The following ASB18 variants were observed in gnomAD, a reference collection of about 807,000 sequenced individuals.
ASB18 encodes ankyrin repeat and SOCS box protein 18.
In ASB18, 33 loss-of-function variants were observed where a neutral mutation model predicts 33.4. The observed-to-expected ratio is 0.99, with a 90% CI of 0.75 to 1.32. ASB18 has a LOEUF of 1.32. Ranked by LOEUF, ASB18 falls within the 40% of genes most tolerant of loss-of-function variation. The pLI, the probability that ASB18 is intolerant of heterozygous loss-of-function variation, is 0.00. For missense variants in ASB18, 694 were observed against 655.5 expected, an observed-to-expected ratio of 1.06 and a Z score of -0.64; for synonymous variants, 295 against 307.6, an observed-to-expected ratio of 0.96 and a Z score of 0.43.
rs576426772 is a variant in ASB18, at chr2:236,217,935, G to A, written c.597-3069C>T. Among the ~76,000 whole-genome samples the A allele has an allele frequency of 6.6e-6, 1 of 152,214 alleles. No individual in the cohort carries two copies. The highest frequency in any genetic ancestry group is 6.5e-5 in the Admixed American group (1 of 15,282). On this transcript the variant is annotated intron_variant, in intron 3 of 5. Transcript: ENST00000409749. The surrounding 1 kb of genome is among the most constrained non-coding windows in gnomAD (Gnocchi z 5.2). ...TGCAGCAGGACGTTAGAAATCAAGG[G>A]TTCCTTCTCGTTTTGCCACTGAGCC...
chr2:236,257,096 G>A lies in ASB18; in HGVS notation c.205+7045C>T, dbSNP rs2060695991. On this transcript the variant is annotated intron_variant, in intron 1 of 5. Coordinates refer to ENST00000409749, the MANE Select transcript of ASB18 (RefSeq NM_212556.4). This position sits in a 1 kb window ranked among gnomAD's most constrained non-coding sequence, Gnocchi z 5.5. ...CACTTGATCTGGGTGAATCAATTCA[G>A]GCAGCGCATAATTGAGTCTGTTAGC... Among the ~76,000 whole-genome samples the A allele has an allele frequency of 1.3e-5, 2 of 152,200 alleles. No homozygotes were observed. Among genetic ancestry groups the A allele is most frequent in the Admixed American group, 1.3e-4 (2 of 15,278 alleles).
rs138138591 is a variant in ASB18 at position 236,215,938 on chromosome 2, T to C, written c.597-1072A>G. 1.8e-3 allele frequency among the ~76,000 whole-genome samples: 280 copies of C among 152,256 alleles called. 1 individual carries two copies. The highest frequency in any genetic ancestry group is 3.4e-3 in the Middle Eastern group (1 of 294). On this transcript the variant is annotated intron_variant, in intron 3 of 5. Transcript: ENST00000409749. This position sits in a 1 kb window ranked among gnomAD's most constrained non-coding sequence, Gnocchi z 7.2. Reference sequence around the variant, plus strand: ...TGTTGGTCCTACTTGCCATCTTTGCTCTATGGAGACCTGAGCCCTGGACCT... The same window carrying C: ...TGTTGGTCCTACTTGCCATCTTTGCCCTATGGAGACCTGAGCCCTGGACCT...
At position 236,196,286 on chromosome 2, in the gene ASB18, C is replaced by T. The variant is rs1173465405; in HGVS notation, c.1201G>A (p.Glu401Lys). 6.4e-7 allele frequency: 1 copy of T among 1,551,130 alleles called. No homozygotes were observed. Among genetic ancestry groups the T allele is most frequent in the Non-Finnish European group, 8.7e-7 (1 of 1,144,620 alleles). ...LSESWKEVIP[E>K]EVFQMHKPFY... ...AGCCCTCTTGCCTGGAATACTTCCT[C>T]AGGAATCACTTCCTTCCAGGACTCT... The change falls in exon 5 of 6, where the codon GAG (glutamate) becomes AAG (lysine). Residue 401 changes from glutamate (E) to lysine (K), a missense_variant. Transcript: ENST00000409749. This position sits in a 1 kb window ranked among gnomAD's most constrained non-coding sequence, Gnocchi z 5.6.
chr2:236,234,734 T>G lies in ASB18; in HGVS notation c.596+2955A>C, dbSNP rs988081602. On this transcript the variant is annotated intron_variant, in intron 3 of 5. Transcript: ENST00000409749. The surrounding 1 kb of genome is among the most constrained non-coding windows in gnomAD (Gnocchi z 4.1). ...GTGCTGGAACTGTCAGATATCCACA[T>G]GCAAAAATAAATAAAAAAGCTTCAA... 6.6e-6 allele frequency among the ~76,000 whole-genome samples: 1 copy of G among 152,194 alleles called. No individual in the cohort carries two copies. The highest frequency in any genetic ancestry group is 2.4e-5 in the African/African-American group (1 of 41,438).
In ASB18 at chr2:236,233,249, T is replaced by C. The variant is rs571414242; in HGVS notation, c.596+4440A>G. The stretch of plus-strand genomic sequence containing the variant: ...GAGAAAATTCAATATTAATTCATCA[T>C]ACAAACTGTCAGCAAACTAGAAACA... On this transcript the variant is annotated intron_variant, in intron 3 of 5. Transcript: ENST00000409749. Among the ~76,000 whole-genome samples, 97 of 152,218 alleles carry C rather than the reference T, an allele frequency of 6.4e-4. 1 individual carries two copies. Among genetic ancestry groups the C allele is most frequent in the African/African-American group, 2.3e-3 (95 of 41,564 alleles).
intron 3 of ASB18, among the ~76,000 whole-genome samples, chr2:236,227,623 A>G (rs2060546620): frequency 6.6e-6 from 1 of 152,264 alleles, no homozygotes; most frequent in Non-Finnish European, 1.5e-5. Flanking sequence ...CTATGTGTAG[A>G]TATAAAATTG....
In ASB18 at chr2:236,228,124, G is replaced by A. The variant is rs560948993; in HGVS notation, c.596+9565C>T. On this transcript the variant is annotated intron_variant, in intron 3 of 5. Transcript: ENST00000409749. The surrounding 1 kb of genome is among the most constrained non-coding windows in gnomAD (Gnocchi z 5.1). Reference sequence around the variant, plus strand: ...ATCAGATGAGTCAAGAACAAAAATTGGAAGTGAATGCAAGGTAGAAATTAA... The same window carrying A: ...ATCAGATGAGTCAAGAACAAAAATTAGAAGTGAATGCAAGGTAGAAATTAA... Among the ~76,000 whole-genome samples the A allele has an allele frequency of 3.3e-5, 5 of 152,182 alleles. No homozygotes were observed. The highest frequency in any genetic ancestry group is 1.3e-4 in the Admixed American group (2 of 15,282).
chr2:236,256,697 A>C lies in ASB18; in HGVS notation c.205+7444T>G, dbSNP rs2060693764. Among the ~76,000 whole-genome samples the C allele has an allele frequency of 6.6e-6, 1 of 152,178 alleles. No individual in the cohort carries two copies. Among genetic ancestry groups the C allele is most frequent in the Admixed American group, 6.5e-5 (1 of 15,278 alleles). On this transcript the variant is annotated intron_variant, in intron 1 of 5. Coordinates refer to ENST00000409749, the MANE Select transcript of ASB18 (RefSeq NM_212556.4). This position sits in a 1 kb window ranked among gnomAD's most constrained non-coding sequence, Gnocchi z 4.7. ...AGCCCGTTTCTCAATTTTGATTCTG[A>C]AAATACCCTGATTTAGTCTAATTGC...
intron 4 of ASB18, among the ~76,000 whole-genome samples, chr2:236,212,838 C>T (rs2060465453): frequency 6.6e-6 from 1 of 152,054 alleles, no homozygotes; most frequent in Admixed American, 6.5e-5. Context: ...CTATGTTGCC[C>T]AGGCTGGTCT....
Position 236,214,956 on chromosome 2 carries a change from C to CCTCTGAAT in ASB18, c.597-98_597-91dup. On this transcript the variant is annotated intron_variant, in intron 3 of 5. Coordinates refer to ENST00000409749, the MANE Select transcript of ASB18 (RefSeq NM_212556.4). The surrounding 1 kb of genome is among the most constrained non-coding windows in gnomAD (Gnocchi z 6.5). ...CCTGCTGCTGCAAAATATCAAGTGA[C>CCTCTGAAT]CTCTGAATGAAAAGACATGCTCCGC... The CCTCTGAAT allele has an allele frequency of 9.5e-7, 1 of 1,048,854 alleles. No homozygotes were observed. Among genetic ancestry groups the CCTCTGAAT allele is most frequent in the Non-Finnish European group, 1.2e-6 (1 of 838,476 alleles). 65.0% of individuals were successfully genotyped at this position (1,048,854 alleles called of 1,614,324 possible).
At position 236,217,424 on chromosome 2, in the gene ASB18, A is replaced by AAT. The variant is rs1553600512; in HGVS notation, c.597-2559_597-2558insAT. 7.3e-4 allele frequency among the ~76,000 whole-genome samples: 109 copies of AAT among 150,306 alleles called. No homozygotes were observed. The highest frequency in any genetic ancestry group is 1.2e-3 in the Non-Finnish European group (84 of 67,746). ...CGAGACTCTGTCTCAAAAAAAAAAA[A>AAT]AAATAAATCTTGGCACCTTCAACTC... On this transcript the variant is annotated intron_variant, in intron 3 of 5. Coordinates refer to ENST00000409749, the MANE Select transcript of ASB18 (RefSeq NM_212556.4). This position sits in a 1 kb window ranked among gnomAD's most constrained non-coding sequence, Gnocchi z 5.2.
intron 4 of ASB18, among the ~76,000 whole-genome samples, chr2:236,202,282 T>G (rs1422799516): frequency 6.6e-6 from 1 of 151,824 alleles, no homozygotes; most frequent in Non-Finnish European, 1.5e-5. Context: ...TTGTTTCACT[T>G]TGTTTTAAAT....
At chr2:236,210,325 C>CTGGTGGTGGTATGTA (rs1295000697) in intron 4 of ASB18, 7 of 152,274 alleles carry the variant, frequency 4.6e-5, no homozygotes, top group Non-Finnish European at 1.0e-4. Flanking sequence ...ACTTCCCCGA[C>CTGGTGGTGGTATGTA]TGGTGGACAA....
Position 236,251,224 on chromosome 2 carries a change from G to A in ASB18, c.206-9822C>T, listed in dbSNP as rs1327748865. 2.0e-5 allele frequency among the ~76,000 whole-genome samples: 3 copies of A among 152,182 alleles called. No individual in the cohort carries two copies. The highest frequency in any genetic ancestry group is 1.9e-4 in the East Asian group (1 of 5,196). The stretch of plus-strand genomic sequence containing the variant: ...AGAAACAAAGATGCCCTTGAACACC[G>A]TGTATCCGCTGTGGATGAGTGCAAA... On this transcript the variant is annotated intron_variant, in intron 1 of 5. Transcript: ENST00000409749. This position sits in a 1 kb window ranked among gnomAD's most constrained non-coding sequence, Gnocchi z 5.3.
chr2:236,214,824 G>A lies in ASB18; in HGVS notation c.639C>T (p.Arg213=), dbSNP rs1022297168. The A allele has an allele frequency of 2.5e-6, 3 of 1,213,274 alleles. No homozygotes were observed. The African/African-American group carries it at 4.7e-5, about 19-fold the overall frequency. The allele number at this position is 1,213,274 out of a possible 1,614,324, so 75.2% of individuals were successfully genotyped here. ...ALLEHGASVQ[R]VGGTGRDTPL... ...GCGTGTCCCGGCCCGTGCCGCCCACGCGCTGCACCGAGGCCCCGTGCTCCA... is the reference window on the plus strand; with the variant it reads ...GCGTGTCCCGGCCCGTGCCGCCCACACGCTGCACCGAGGCCCCGTGCTCCA... The change falls in exon 4 of 6, where the codon CGC becomes CGT. Residue 213 remains arginine, a synonymous_variant. Coordinates refer to ENST00000409749, the MANE Select transcript of ASB18 (RefSeq NM_212556.4). The surrounding 1 kb of genome is among the most constrained non-coding windows in gnomAD (Gnocchi z 6.5).
At chr2:236,199,420 A>AG in intron 4 of ASB18, among the ~76,000 whole-genome samples, 1 of 96,860 alleles carries the variant, frequency 1.0e-5, no homozygotes. Context: ...TCAAAAAAAA[A>AG]AAAAAAAAGA....
rs1381121643 is a variant in ASB18 at position 236,220,408 on chromosome 2, TTC to T, written c.597-5544_597-5543del. Among the ~76,000 whole-genome samples, 1 of 152,176 alleles carries T rather than the reference TTC, an allele frequency of 6.6e-6. No homozygotes were observed. ...CCTGCATGCTCTGCCCAGATACCTC[TTC>T]TCTCAGCCAGAGCCTGTCCAGGCTT... On this transcript the variant is annotated intron_variant, in intron 3 of 5. Transcript: ENST00000409749. The surrounding 1 kb of genome is among the most constrained non-coding windows in gnomAD (Gnocchi z 5.1).
rs552068552 is a variant in ASB18, at chr2:236,260,575, A to G, written c.205+3566T>C. Reference sequence around the variant, plus strand: ...GAGAACATTTGCTCCCACAGGAAAAAGGAACCTATGCCCATTTTAGGCTGC... The same window carrying G: ...GAGAACATTTGCTCCCACAGGAAAAGGGAACCTATGCCCATTTTAGGCTGC... On this transcript the variant is annotated intron_variant, in intron 1 of 5. Coordinates refer to ENST00000409749, the MANE Select transcript of ASB18 (RefSeq NM_212556.4). This position sits in a 1 kb window ranked among gnomAD's most constrained non-coding sequence, Gnocchi z 5.1. 6.6e-6 allele frequency among the ~76,000 whole-genome samples: 1 copy of G among 152,298 alleles called. No homozygotes were observed. Among genetic ancestry groups the G allele is most frequent in the East Asian group, 1.9e-4 (1 of 5,188 alleles).
At position 236,244,633 on chromosome 2, in the gene ASB18, C is replaced by T. The variant is rs373725683; in HGVS notation, c.206-3231G>A. 5.3e-5 allele frequency among the ~76,000 whole-genome samples: 8 copies of T among 152,200 alleles called. No individual in the cohort carries two copies. The highest frequency in any genetic ancestry group is 2.6e-4 in the Admixed American group (4 of 15,298). ...CCCCTACCCCTCGTCAAGTGCCCCCCGACCTCTGAGTGCCCAACCAGAGCA... is the reference window on the plus strand; with the variant it reads ...CCCCTACCCCTCGTCAAGTGCCCCCTGACCTCTGAGTGCCCAACCAGAGCA... On this transcript the variant is annotated intron_variant, in intron 1 of 5. Transcript: ENST00000409749. The surrounding 1 kb of genome is among the most constrained non-coding windows in gnomAD (Gnocchi z 6.1).
Sources: gnomAD v4.1 joint callset for allele counts (sites outside exome capture counted in the v4.1 genomes callset) on GRCh38, gnomAD v4.1.1 for gene constraint, Gnocchi (gnomAD v3.1) non-coding constraint, MANE v1.5 for transcripts, NCBI Gene and HGNC (gene_info 2026-07-23, HGNC 2026-07-21) for gene names.